CACUL1: variants seen among roughly 807,000 people sequenced by gnomAD.
CACUL1 encodes CDK2-associated and cullin domain-containing protein 1.
CACUL1 carries 13 observed loss-of-function variants against 45.2 expected under a neutral mutation model. The observed-to-expected ratio is 0.29, with a 90% CI of 0.19 to 0.46. The LOEUF is 0.46. Among genes scored for constraint, CACUL1 ranks in the 20% least tolerant of loss-of-function variants. The pLI is 1.00. For synonymous variants in CACUL1, 197 were observed against 174.2 expected (o/e 1.13, Z -1.03); for missense variants, 421 against 471.4 (o/e 0.89, Z 0.99).
intron 3 of CACUL1, among the ~76,000 whole-genome samples, chr10:118,718,282 C>T (rs1845565734): frequency 6.6e-6 from 1 of 152,170 alleles, no homozygotes; most frequent in Non-Finnish European, 1.5e-5. Context: ...TCCCAAGGTT[C>T]CCCAAAGATA....
intron 4 of CACUL1, among the ~76,000 whole-genome samples, chr10:118,705,694 T>C (rs73423939): frequency 0.04 from 6,094 of 152,306 alleles, 385 homozygotes; most frequent in African/African-American, 0.14. Flanking sequence ...TTGATATTCA[T>C]ATAGACAGAC....
intron 1 of CACUL1, among the ~76,000 whole-genome samples, chr10:118,741,314 A>G (rs1018984919): frequency 1.7e-4 from 26 of 152,330 alleles, no homozygotes; most frequent in African/African-American, 6.0e-4. Context: ...AAGCAAATCT[A>G]TTGAAATTAA....
chr10:118,709,382 A>G (rs549677553), intron 3 of CACUL1, among the ~76,000 whole-genome samples: 1 of 152,224 alleles, frequency 6.6e-6, no homozygotes, highest in Non-Finnish European at 1.5e-5. Flanking sequence ...ATTTCATTCT[A>G]TTCTCTAAAG....
At chr10:118,695,699 G>A (rs1443364351) in intron 5 of CACUL1, among the ~76,000 whole-genome samples, 4 of 152,176 alleles carry the variant, frequency 2.6e-5, no homozygotes, top group Non-Finnish European at 4.4e-5. Flanking sequence ...TCTTACAAGA[G>A]CTAAGGGCAA....
At chr10:118,722,039 C>G (rs1845605455) in intron 3 of CACUL1, among the ~76,000 whole-genome samples, 1 of 151,860 alleles carries the variant, frequency 6.6e-6, no homozygotes, top group Non-Finnish European at 1.5e-5. Context: ...ATTTAAGTTA[C>G]CACAGTCTGA....
chr10:118,696,296 T>C (rs913342441), intron 5 of CACUL1, among the ~76,000 whole-genome samples: 2 of 152,008 alleles, frequency 1.3e-5, no homozygotes, highest in African/African-American at 4.8e-5. Context: ...ACACATAAAA[T>C]ACACTAACGA....
intron 1 of CACUL1, among the ~76,000 whole-genome samples, chr10:118,753,249 A>G (rs775206658): frequency 2.6e-5 from 4 of 152,280 alleles, no homozygotes; most frequent in Non-Finnish European, 4.4e-5. Flanking sequence ...CCAAACGTAC[A>G]TATCAATGTC....
At position 118,693,691 on chromosome 10, in the gene CACUL1, C is replaced by G. The variant is rs529158550; in HGVS notation, c.886+1450G>C. The G allele has an allele frequency of 1.9e-4, 87 of 455,674 alleles. 1 individual carries two copies. The East Asian group carries it at 5.4e-3, about 28-fold the overall frequency. 28.2% of individuals were successfully genotyped at this position (455,674 alleles called of 1,614,324 possible). ...CAAAGGAAAAAAAATCATTCATAAC[C>G]TGGTACACACACTATTTCAGGAGCC... is the stretch of plus-strand genomic sequence containing the variant. On this transcript the variant is annotated intron_variant, in intron 6 of 8. Coordinates refer to ENST00000369151, the MANE Select transcript of CACUL1 (RefSeq NM_153810.5).
intron 3 of CACUL1, among the ~76,000 whole-genome samples, chr10:118,708,286 T>C (rs1432184250): frequency 6.6e-6 from 1 of 152,138 alleles, no homozygotes; most frequent in Non-Finnish European, 1.5e-5. Context: ...CTAAGTGGTA[T>C]AGGCTTAATG....
chr10:118,738,992 T>TCA (rs1845766631), intron 1 of CACUL1, among the ~76,000 whole-genome samples: 1 of 145,718 alleles, frequency 6.9e-6, no homozygotes, highest in Non-Finnish European at 1.5e-5. Context: ...GGTCAGGAGA[T>TCA]AGAGTCTCCT....
chr10:118,719,442 G>T (rs1317551352), intron 3 of CACUL1, among the ~76,000 whole-genome samples: 2 of 152,104 alleles, frequency 1.3e-5, no homozygotes, highest in African/African-American at 4.8e-5. Context: ...ATACCATACT[G>T]CCATGGACAG....
rs1304527273 is a variant in CACUL1 at position 118,754,606 on chromosome 10, G to C, written c.157C>G (p.Pro53Ala). ...SSIPAPAREP[P>A]GGQLLAVPAV... ...GGCACCGCCAGCAGCTGCCCCCCCGGAGGCTCTCGGGCAGGGGCCGGGATC... is the reference window on the plus strand; with the variant it reads ...GGCACCGCCAGCAGCTGCCCCCCCGCAGGCTCTCGGGCAGGGGCCGGGATC... The change falls in exon 1 of 9, where the codon CCG becomes GCG. Residue 53 changes from proline (P) to alanine (A), a missense_variant. Around this residue, in one of 2 missense-constraint regions of CACUL1, gnomAD observed 213 missense variants for 173.1 expected, o/e 1.23. Transcript: ENST00000369151. The C allele has an allele frequency of 1.2e-5, 19 of 1,608,766 alleles. No individual in the cohort carries two copies. The highest frequency in any genetic ancestry group is 1.4e-5 in the Non-Finnish European group (17 of 1,177,744).
intron 5 of CACUL1, among the ~76,000 whole-genome samples, chr10:118,697,674 T>C (rs376928167): frequency 1.4e-4 from 22 of 152,328 alleles, no homozygotes; most frequent in African/African-American, 4.6e-4. Context: ...CAAACTACAA[T>C]GGTTTGATCT....
intron 1 of CACUL1, among the ~76,000 whole-genome samples, chr10:118,746,448 A>T (rs1462074880): frequency 6.6e-6 from 1 of 152,230 alleles, no homozygotes; most frequent in Non-Finnish European, 1.5e-5. Flanking sequence ...CACTATACAG[A>T]CATCAACTCA....
At chr10:118,687,736 A>C (rs1016628316) in intron 7 of CACUL1, among the ~76,000 whole-genome samples, 1 of 152,216 alleles carries the variant, frequency 6.6e-6, no homozygotes, top group African/African-American at 2.4e-5. Context: ...TCTGTTCACT[A>C]TAAGTCAGCC....
rs1845145439 is a variant in CACUL1, at chr10:118,680,762, A to G, written c.*5366T>C. On this transcript the variant is annotated 3_prime_UTR_variant, in exon 9 of 9. Transcript: ENST00000369151. ...GATATGACCATATGTATATTGTTACACACTGTTTTTTAGCACTGGTTGCAG... is the reference window on the plus strand; with the variant it reads ...GATATGACCATATGTATATTGTTACGCACTGTTTTTTAGCACTGGTTGCAG... 6.6e-6 allele frequency: 1 copy of G among 152,234 alleles called. No individual in the cohort carries two copies. Among genetic ancestry groups the G allele is most frequent in the Non-Finnish European group, 1.5e-5 (1 of 68,040 alleles). The allele number at this position is 152,234 out of a possible 1,614,324, so 9.4% of individuals were successfully genotyped here.
chr10:118,739,957 C>T (rs1439488258), intron 1 of CACUL1, among the ~76,000 whole-genome samples: 2 of 152,058 alleles, frequency 1.3e-5, no homozygotes, highest in African/African-American at 4.8e-5. Flanking sequence ...CCAGCCTGGC[C>T]AACATGGTGA....
intron 4 of CACUL1, among the ~76,000 whole-genome samples, chr10:118,703,850 T>C (rs1845408131): frequency 6.6e-6 from 1 of 152,220 alleles, no homozygotes; most frequent in Non-Finnish European, 1.5e-5. Flanking sequence ...CTATGAACTG[T>C]CTGTTCATAT....
chr10:118,693,718 T>C, intron 6 of CACUL1: 1 of 456,920 alleles, frequency 2.2e-6, no homozygotes, highest in Non-Finnish European at 4.4e-6. Context: ...TCAGGAGCCA[T>C]CTTCATCACA....
Sources: allele counts gnomAD v4.1 joint callset (sites outside exome capture counted in the v4.1 genomes callset), GRCh38; gene constraint gnomAD v4.1.1; regional missense constraint gnomAD v4.1.1; transcripts MANE v1.5; gene names NCBI Gene and HGNC (gene_info 2026-07-23, HGNC 2026-07-21).